Variants in FRMPD4 observed in about 807,000 individuals in gnomAD.
FRMPD4 encodes FERM and PDZ domain-containing protein 4.
Under a neutral mutation model 94.1 loss-of-function variants are expected in FRMPD4, and 22 were observed. That is an observed-to-expected ratio of 0.23 (90% CI 0.17 to 0.33). FRMPD4 has a LOEUF of 0.33. Among genes scored for constraint, FRMPD4 ranks in the 10% least tolerant of loss-of-function variants. The pLI is 1.00. For synonymous variants in FRMPD4, 631 were observed against 548.6 expected (o/e 1.15, Z -2.10); for missense variants, 1,111 against 1,339.9 (o/e 0.83, Z 2.67).
At chrX:12,423,036 G>A (rs745627855) in intron 1 of FRMPD4, among the ~76,000 whole-genome samples, 1 of 110,628 alleles carries the variant, frequency 9.0e-6, no homozygotes, top group East Asian at 2.8e-4. Flanking sequence ...TCCTGCCTGT[G>A]GAAACTCAGT....
intron 3 of FRMPD4, among the ~76,000 whole-genome samples, chrX:11,995,930 G>A (rs2054493814): frequency 1.8e-5 from 2 of 112,079 alleles, no homozygotes; most frequent in African/African-American, 3.2e-5. Context: ...TTGGAGACAG[G>A]AAGTGGTCTT....
intron 9 of FRMPD4, among the ~76,000 whole-genome samples, chrX:12,695,692 C>T (rs895208386): frequency 9.8e-5 from 11 of 111,719 alleles, no homozygotes; most frequent in Non-Finnish European, 1.7e-4. Context: ...CGTGAGCCAC[C>T]GTGCCCGGCC....
chrX:12,480,542 T>A (rs1011453735), intron 1 of FRMPD4, among the ~76,000 whole-genome samples: 1 of 111,688 alleles, frequency 9.0e-6, no homozygotes, highest in Non-Finnish European at 1.9e-5. Context: ...TGCATTCACC[T>A]GTGCTCTAGA....
intron 1 of FRMPD4, among the ~76,000 whole-genome samples, chrX:12,303,558 A>C (rs1235011096): frequency 8.9e-6 from 1 of 112,041 alleles, no homozygotes; most frequent in East Asian, 2.8e-4. Flanking sequence ...GTGTGGGTCT[A>C]TATGTACTAA....
chrX:12,369,715 G>A (rs2056135904), intron 1 of FRMPD4, among the ~76,000 whole-genome samples: 1 of 111,722 alleles, frequency 9.0e-6, no homozygotes, highest in Admixed American at 9.5e-5. Flanking sequence ...GGAAACTGCT[G>A]TTATAAAGAA....
At chrX:12,276,123 A>C (rs2054431297) in intron 1 of FRMPD4, among the ~76,000 whole-genome samples, 1 of 112,663 alleles carries the variant, frequency 8.9e-6, no homozygotes, top group African/African-American at 3.2e-5. Flanking sequence ...ACCACAAACA[A>C]ATTTTCAAGT....
At chrX:12,646,620 G>T (rs927664659) in intron 4 of FRMPD4, among the ~76,000 whole-genome samples, 2 of 111,703 alleles carry the variant, frequency 1.8e-5, no homozygotes, top group African/African-American at 3.3e-5. Context: ...TTTGAACTAT[G>T]TACCTATCGT....
intron 3 of FRMPD4, among the ~76,000 whole-genome samples, chrX:11,920,043 A>G (rs1270790029): frequency 8.9e-6 from 1 of 111,907 alleles, no homozygotes; most frequent in East Asian, 2.8e-4. Flanking sequence ...AGGCAAACAC[A>G]TCAAATTCTC....
At chrX:12,109,623 A>T (rs1165558476) in intron 3 of FRMPD4, among the ~76,000 whole-genome samples, 1 of 111,903 alleles carries the variant, frequency 8.9e-6, no homozygotes, top group Non-Finnish European at 1.9e-5. Context: ...CAAAAAATCA[A>T]TGAATCCAGG....
At chrX:12,548,256 G>T (rs1189979020) in intron 2 of FRMPD4, among the ~76,000 whole-genome samples, 1 of 111,718 alleles carries the variant, frequency 9.0e-6, no homozygotes, top group African/African-American at 3.3e-5. Flanking sequence ...ATAGGAAAGG[G>T]GAAAAAAGTG....
At chrX:11,900,822 G>A (rs1467699065) in intron 3 of FRMPD4, among the ~76,000 whole-genome samples, 1 of 110,941 alleles carries the variant, frequency 9.0e-6, no homozygotes, top group Non-Finnish European at 1.9e-5. Context: ...TTGGAGAAAG[G>A]GGGTTTCTTT....
chrX:12,166,483 G>A (rs748515322), intron 1 of FRMPD4, among the ~76,000 whole-genome samples: 1,405 of 111,430 alleles, frequency 0.013, 24 homozygotes, highest in African/African-American at 0.039. Flanking sequence ...TTGCATCAAT[G>A]TTCATCAAGG....
chrX:12,204,764 C>T (rs1209708783), intron 1 of FRMPD4, among the ~76,000 whole-genome samples: 3 of 111,040 alleles, frequency 2.7e-5, no homozygotes, highest in African/African-American at 9.9e-5. Flanking sequence ...AAACATTCTC[C>T]TCTTTCTCTA....
chrX:12,613,525 T>C, intron 3 of FRMPD4, among the ~76,000 whole-genome samples: 1 of 112,586 alleles, frequency 8.9e-6, no homozygotes. Flanking sequence ...CAAATATTAG[T>C]TTCCTACTCC....
chrX:12,537,835 A>C (rs1199792800), intron 2 of FRMPD4, among the ~76,000 whole-genome samples: 1 of 111,080 alleles, frequency 9.0e-6, no homozygotes, highest in Admixed American at 9.6e-5. Context: ...TTCTAAATAC[A>C]TTTTACAACT....
At chrX:12,146,459 C>T (rs764265235) in intron 1 of FRMPD4, among the ~76,000 whole-genome samples, 1 of 105,656 alleles carries the variant, frequency 9.5e-6, no homozygotes, top group African/African-American at 3.3e-5. Flanking sequence ...CAAACACACA[C>T]GTGTATACAC....
intron 2 of FRMPD4, among the ~76,000 whole-genome samples, chrX:12,519,620 C>T (rs923495854): frequency 2.7e-5 from 3 of 112,204 alleles, no homozygotes; most frequent in Non-Finnish European, 5.6e-5. Flanking sequence ...ATCATGCAAC[C>T]TATGGAATGG....
intron 3 of FRMPD4, among the ~76,000 whole-genome samples, chrX:12,032,257 G>A (rs1315831386): frequency 2.7e-5 from 3 of 111,647 alleles, no homozygotes; most frequent in East Asian, 5.6e-4. Flanking sequence ...GAGGGAGGTG[G>A]AAGAGCTCCA....
At chrX:11,829,984 A>G (rs758947920) in intron 1 of FRMPD4, among the ~76,000 whole-genome samples, 25 of 112,011 alleles carry the variant, frequency 2.2e-4, no homozygotes, top group African/African-American at 6.2e-4. Context: ...GGACTGGGAA[A>G]AAGAGTTGGA....
Sources: gnomAD v4.1 joint callset for allele counts (sites outside exome capture counted in the v4.1 genomes callset) on GRCh38, gnomAD v4.1.1 for gene constraint, MANE v1.5 for transcripts, NCBI Gene and HGNC (gene_info 2026-07-23, HGNC 2026-07-21) for gene names.